DNAAF9: variants seen among roughly 807,000 people sequenced by gnomAD.
DNAAF9 encodes shulin.
A neutral mutation model predicts 167.0 loss-of-function variants in DNAAF9; 90 were observed. The observed-to-expected ratio is 0.54, with a 90% CI of 0.45 to 0.64. DNAAF9 has a LOEUF of 0.64. Among genes scored for constraint, DNAAF9 ranks in the 30% least tolerant of loss-of-function variants. The pLI is 0.00. For synonymous variants in DNAAF9, 491 were observed against 508.8 expected (o/e 0.96, Z 0.47); for missense variants, 1,315 against 1,442.2 (o/e 0.91, Z 1.43).
intron 20 of DNAAF9, 132 bp from the exon 21 acceptor site, chr20:3,304,675 T>C: frequency 1.6e-6 from 1 of 613,656 alleles, no homozygotes; most frequent in East Asian, 2.8e-5. Flanking sequence ...ATTTGTATGC[T>C]GAGCCCTGTG....
chr20:3,373,611 A>G (rs1275847820), intron 6 of DNAAF9, among the ~76,000 whole-genome samples: 1 of 152,188 alleles, frequency 6.6e-6, no homozygotes, highest in Non-Finnish European at 1.5e-5. Context: ...ATAGTTCTCA[A>G]ATTATATAAA....
intron 31 of DNAAF9, among the ~76,000 whole-genome samples, chr20:3,260,599 T>G (rs2068367384): frequency 6.6e-6 from 1 of 151,802 alleles, no homozygotes; most frequent in African/African-American, 2.4e-5. Context: ...CCTGGTACGG[T>G]GGGGGGCTCT....
intron 24 of DNAAF9, 127 bp downstream of exon 24, chr20:3,294,401 T>C: frequency 5.0e-6 from 4 of 797,602 alleles, no homozygotes; most frequent in East Asian, 2.5e-5. Flanking sequence ...TACAGTGTGT[T>C]ACTGCGACAT....
At chr20:3,317,869 T>C (rs2069532856) in intron 17 of DNAAF9, among the ~76,000 whole-genome samples, 1 of 152,278 alleles carries the variant, frequency 6.6e-6, no homozygotes, top group Middle Eastern at 3.4e-3. Context: ...AGTGCTGGGA[T>C]TACAGGCATG....
At chr20:3,316,890 CTTTTTTTTTT>C (rs11424663) in intron 17 of DNAAF9, 97 bp from the exon 18 acceptor site, 3 of 250,656 alleles carry the variant, frequency 1.2e-5, no homozygotes, top group Non-Finnish European at 1.5e-5. Flanking sequence ...AGCTAGGGTT[CTTTTTTTTTT>C]TTTTTTTTTT....
chr20:3,322,331 C>A (rs138786902), intron 15 of DNAAF9, 69 bp from the exon 16 acceptor site: 1 of 1,215,060 alleles, frequency 8.2e-7, no homozygotes, highest in African/African-American at 1.5e-5. Flanking sequence ...ACAGTGTTTG[C>A]TTTTTTCAAC....
chr20:3,307,263 A>G (rs1194462274), intron 20 of DNAAF9: 3 of 426,040 alleles, frequency 7.0e-6, no homozygotes, highest in Non-Finnish European at 9.4e-6. Context: ...GGCATGAGCC[A>G]AGGCAAGGTC....
intron 20 of DNAAF9, among the ~76,000 whole-genome samples, chr20:3,310,133 A>G (rs6051730): frequency 0.25 from 37,791 of 151,588 alleles, 5,294 homozygotes; most frequent in African/African-American, 0.37. Flanking sequence ...CAGAGGTTGC[A>G]GTGAGCCAAG....
At chr20:3,323,863 A>G (rs962909359) in intron 14 of DNAAF9, among the ~76,000 whole-genome samples, 1 of 152,360 alleles carries the variant, frequency 6.6e-6, no homozygotes, top group South Asian at 2.1e-4. Context: ...TATGTGCCCA[A>G]CTGCTTTACA....
At position 3,310,332 on chromosome 20, in the gene DNAAF9, A is replaced by AG. The variant is rs1491465624; in HGVS notation, c.1678+4700_1678+4701insC. Among the ~76,000 whole-genome samples, 241 of 95,706 alleles carry AG rather than the reference A, an allele frequency of 2.5e-3. 3 individuals carry two copies. Among genetic ancestry groups the AG allele is most frequent in the Non-Finnish European group, 3.9e-3 (178 of 45,634 alleles). The allele number at this position is 95,706 out of a possible 152,430, so 62.8% of individuals were successfully genotyped here. ...GGAAAGAAAGAAAGGAAAGAGAAAG[A>AG]AAAAGAAAGAAAGAAAGAAAGAAAG... On this transcript the variant is annotated intron_variant, in intron 20 of 36. Coordinates refer to ENST00000252032, the MANE Select transcript of DNAAF9 (RefSeq NM_001009984.3).
intron 1 of DNAAF9, among the ~76,000 whole-genome samples, chr20:3,395,287 C>T (rs2083890813): frequency 7.2e-6 from 1 of 139,788 alleles, no homozygotes; most frequent in African/African-American, 2.7e-5. Context: ...TTTCTTTTTT[C>T]TTTTTTTTTT....
At chr20:3,387,748 A>G (rs2083765534) in intron 1 of DNAAF9, among the ~76,000 whole-genome samples, 1 of 151,988 alleles carries the variant, frequency 6.6e-6, no homozygotes, top group South Asian at 2.1e-4. Flanking sequence ...TCCTATTCGA[A>G]AATGGGCAAT....
chr20:3,283,691 T>C (rs960790816), intron 27 of DNAAF9, among the ~76,000 whole-genome samples: 1 of 152,226 alleles, frequency 6.6e-6, no homozygotes, highest in African/African-American at 2.4e-5. Flanking sequence ...ATGGAGTTAA[T>C]GGATTTAACT....
chr20:3,386,679 T>C (rs1004522933), intron 1 of DNAAF9, among the ~76,000 whole-genome samples: 2 of 151,950 alleles, frequency 1.3e-5, no homozygotes, highest in African/African-American at 4.8e-5. Flanking sequence ...AAAGACAAGC[T>C]ACTGACTGGG....
At chr20:3,273,185 T>C (rs8123289) in intron 29 of DNAAF9, among the ~76,000 whole-genome samples, 25,254 of 152,112 alleles carry the variant, frequency 0.17, 2,268 homozygotes, top group Non-Finnish European at 0.19. Flanking sequence ...ATTATGGAGA[T>C]TTCTGCTTTC....
chr20:3,257,102 C>A (rs892545058), intron 33 of DNAAF9, among the ~76,000 whole-genome samples: 1 of 152,052 alleles, frequency 6.6e-6, no homozygotes, highest in East Asian at 1.9e-4. Context: ...GAGATGAGGG[C>A]TAGGAGTGAC....
At chr20:3,294,304 T>C (rs986926724) in intron 24 of DNAAF9, 48 bp from the exon 25 acceptor site, 6 of 1,241,672 alleles carry the variant, frequency 4.8e-6, no homozygotes, top group Non-Finnish European at 7.1e-6. Flanking sequence ...TAGCCTGTCC[T>C]GAAGGTGCCT....
chr20:3,294,407 G>T, intron 24 of DNAAF9, 121 bp downstream of exon 24: 1 of 803,576 alleles, frequency 1.2e-6, no homozygotes, highest in South Asian at 1.6e-5. Flanking sequence ...GTGTTACTGC[G>T]ACATTTTACA....
chr20:3,325,061 A>C (rs758274392), intron 13 of DNAAF9, 93 bp from the exon 14 acceptor site: 12 of 784,700 alleles, frequency 1.5e-5, no homozygotes, highest in Non-Finnish European at 2.8e-5. Context: ...CTTGTCCAGG[A>C]TCACACCATG....
Sources: gnomAD v4.1 joint callset for allele counts (sites outside exome capture counted in the v4.1 genomes callset) on GRCh38, gnomAD v4.1.1 for gene constraint, MANE v1.5 for transcripts, NCBI Gene and HGNC (gene_info 2026-07-23, HGNC 2026-07-21) for gene names.